The following ZNF831 variants were observed in gnomAD, a reference collection of about 807,000 sequenced individuals.
ZNF831 encodes zinc finger protein 831, also known as chromosome 20 open reading frame 174.
Under a neutral mutation model 95.8 loss-of-function variants are expected in ZNF831, and 59 were observed. The ratio of observed to expected loss-of-function variants is 0.62; its 90% CI spans 0.50 to 0.77. The LOEUF (loss-of-function observed/expected upper bound fraction) is 0.77. Among genes scored for constraint, ZNF831 ranks in the 30% least tolerant of loss-of-function variants. The pLI is 0.00. For synonymous variants in ZNF831, 961 were observed against 925.5 expected (o/e 1.04, Z -0.70); for missense variants, 2,205 against 2,164.0 (o/e 1.02, Z -0.38).
chr20:59,192,575 C>T lies in ZNF831; in HGVS notation c.1556C>T (p.Pro519Leu), dbSNP rs2146567912. Residue 519 changes from proline to leucine, a missense_variant, in exon 2 of 6, where the codon CCC (proline) becomes CTC (leucine). Transcript: ENST00000371030. The surrounding 1 kb of genome is among the most constrained non-coding windows in gnomAD (Gnocchi z 5.2). ...GAGGGCTCCAGGACGTGGCTGGAGC[C>T]CAGGGAGCCCCGGGACCCCTGGTCC... ...FVEGSRTWLEPREPRDPWSRT... is the reference protein window; with the variant it reads ...FVEGSRTWLELREPRDPWSRT... 2.0e-6 allele frequency: 3 copies of T among 1,516,264 alleles called. No homozygotes were observed. Among genetic ancestry groups the T allele is most frequent in the Non-Finnish European group, 2.6e-6 (3 of 1,135,720 alleles). The allele number at this position is 1,516,264 out of a possible 1,614,324, so 93.9% of individuals were successfully genotyped here. A position where few individuals can be genotyped will look rare whatever the true frequency, so the allele number is the denominator to read the frequency against.
chr20:59,124,478 G>A (rs1979104263), intron 1 of ZNF831, among the ~76,000 whole-genome samples: 1 of 152,178 alleles, frequency 6.6e-6, no homozygotes, highest in South Asian at 2.1e-4. Context: ...AATCATCTGG[G>A]CTTCACAAGC....
At position 59,148,552 on chromosome 20, in the gene ZNF831, C is replaced by A. The variant is rs935292754; in HGVS notation, c.-1281+2178C>A. On this transcript the variant is annotated intron_variant, in intron 2 of 7. Transcript: ENST00000637017. The stretch of plus-strand genomic sequence containing the variant: ...AAAATTAGCCGGGCATGGTGGCGCG[C>A]GCCTGTAGTCCCAGCTACACGGGAG... 1.5e-5 allele frequency among the ~76,000 whole-genome samples: 2 copies of A among 135,738 alleles called. 1 individual carries two copies. Among genetic ancestry groups the A allele is most frequent in the Non-Finnish European group, 3.2e-5 (2 of 62,656 alleles). 89.0% of individuals were successfully genotyped at this position (135,738 alleles called of 152,430 possible). A position where few individuals can be genotyped will look rare whatever the true frequency, so the allele number is the denominator to read the frequency against.
chr20:59,170,818 GT>G (rs1981672205), intron 1 of ZNF831, among the ~76,000 whole-genome samples: 1 of 152,220 alleles, frequency 6.6e-6, no homozygotes, highest in African/African-American at 2.4e-5. Context: ...TAGCAGAGGA[GT>G]TGGCTGGCTT....
chr20:59,193,676 C>T lies in ZNF831; in HGVS notation c.2657C>T (p.Ser886Phe). The T allele has an allele frequency of 6.2e-7, 1 of 1,613,070 alleles. No individual in the cohort carries two copies. Among genetic ancestry groups the T allele is most frequent in the Non-Finnish European group, 8.5e-7 (1 of 1,179,792 alleles). ...GAGCCTCTGGAGTCCTCTGGAGCCTCCTTGGCTGCTGCTTCTGTTGCCCTG... is the reference window on the plus strand; with the variant it reads ...GAGCCTCTGGAGTCCTCTGGAGCCTTCTTGGCTGCTGCTTCTGTTGCCCTG... ...VGEPLESSGA[S>F]LAAASVALKR... The change falls in exon 2 of 6, where the codon TCC becomes TTC. Residue 886 changes from serine to phenylalanine, a missense_variant. Physicochemically the swap from Ser to Phe is radical, Grantham distance 155. Transcript: ENST00000371030.
At chr20:59,222,633 G>T (rs1568779550) in intron 4 of ZNF831, among the ~76,000 whole-genome samples, 1 of 152,166 alleles carries the variant, frequency 6.6e-6, no homozygotes, top group Non-Finnish European at 1.5e-5. Flanking sequence ...GGAAGAAAGC[G>T]CAGAGGGCTG....
Position 59,192,452 on chromosome 20 carries a change from A to G in ZNF831, c.1433A>G (p.Asp478Gly), listed in dbSNP as rs1422640328. The part of the protein sequence containing the change: ...GPVRSTWTPP[D>G]KSRPLFFHSV... Reference sequence around the variant, plus strand: ...GTGCGCTCCACCTGGACGCCCCCAGACAAGTCTCGGCCCCTCTTCTTCCAC... The same window carrying G: ...GTGCGCTCCACCTGGACGCCCCCAGGCAAGTCTCGGCCCCTCTTCTTCCAC... Residue 478 changes from aspartate to glycine, a missense_variant, in exon 2 of 6, where the codon GAC becomes GGC. Asp to Gly is a moderately conservative substitution (Grantham distance 94). Coordinates refer to ENST00000371030, the MANE Select transcript of ZNF831 (RefSeq NM_178457.3). This position sits in a 1 kb window ranked among gnomAD's most constrained non-coding sequence, Gnocchi z 5.2. 1 of 1,601,358 alleles carries G rather than the reference A, an allele frequency of 6.2e-7. No homozygotes were observed. The highest frequency in any genetic ancestry group is 8.5e-7 in the Non-Finnish European group (1 of 1,174,404).
chr20:59,149,068 G>A (rs568814466), intron 2 of ZNF831, among the ~76,000 whole-genome samples: 59 of 152,312 alleles, frequency 3.9e-4, no homozygotes, highest in African/African-American at 1.3e-3. Context: ...CAGGCTGGCC[G>A]TGTCTGTGGC....
intron 1 of ZNF831, among the ~76,000 whole-genome samples, chr20:59,170,420 GT>G (rs1981633441): frequency 6.6e-6 from 1 of 152,188 alleles, no homozygotes; most frequent in Non-Finnish European, 1.5e-5. Context: ...GTGCCATTTT[GT>G]TTTCAAGTAT....
At chr20:59,189,305 C>G (rs1261037936) in intron 1 of ZNF831, among the ~76,000 whole-genome samples, 1 of 152,096 alleles carries the variant, frequency 6.6e-6, no homozygotes, top group East Asian at 1.9e-4. Flanking sequence ...AGACTGTAAT[C>G]AATTTTAAGT....
At chr20:59,234,340 G>A (rs1043023771) in intron 4 of ZNF831, among the ~76,000 whole-genome samples, 5 of 115,596 alleles carry the variant, frequency 4.3e-5, no homozygotes, top group African/African-American at 1.9e-4. Context: ...CCCATGCTCA[G>A]TTTGATGCTC....
At position 59,241,574 on chromosome 20, in the gene ZNF831, G is replaced by C. The variant is rs150010667; in HGVS notation, c.4028-11404G>C. On this transcript the variant is annotated intron_variant, in intron 4 of 5. Transcript: ENST00000371030. ...TTGTAAGAAACGTTTATAAGAAAAT[G>C]ACACTTGTAAAATAAGCCAGAAAGC... Among the ~76,000 whole-genome samples the C allele has an allele frequency of 1.1e-3, 175 of 152,292 alleles. 1 individual carries two copies. Among genetic ancestry groups the C allele is most frequent in the African/African-American group, 3.9e-3 (161 of 41,568 alleles).
At chr20:59,186,095 C>T (rs981037514) in intron 1 of ZNF831, among the ~76,000 whole-genome samples, 6 of 152,176 alleles carry the variant, frequency 3.9e-5, no homozygotes, top group African/African-American at 1.4e-4. Flanking sequence ...AGCTCACTTG[C>T]CCCTGGGGTG....
At chr20:59,158,915 A>G (rs1449176058), upstream of ZNF831, among the ~76,000 whole-genome samples, 1 of 152,156 alleles carries the variant, frequency 6.6e-6, no homozygotes, top group Non-Finnish European at 1.5e-5. Flanking sequence ...GTACATTCCT[A>G]TGAAGTAAAC....
chr20:59,210,860 C>G (rs550358496), intron 4 of ZNF831, among the ~76,000 whole-genome samples: 1 of 79,326 alleles, frequency 1.3e-5, no homozygotes, highest in African/African-American at 7.1e-5. Context: ...CAAATCCCCC[C>G]GTCTCTACTA....
chr20:59,248,568 T>C (rs1177227415), intron 4 of ZNF831, among the ~76,000 whole-genome samples: 1 of 152,228 alleles, frequency 6.6e-6, no homozygotes, highest in East Asian at 1.9e-4. Context: ...CTACTTAAGC[T>C]TAAAAACCAA....
intron 2 of ZNF831, chr20:59,146,473 G>A (rs893457930): frequency 6.6e-6 from 1 of 152,198 alleles, no homozygotes; most frequent in African/African-American, 2.4e-5. Flanking sequence ...GTTGCCTCCC[G>A]AGTGATTCTA....
rs968436868 is a variant in ZNF831 at position 59,192,777 on chromosome 20, C to G, written c.1758C>G (p.Asp586Glu). The G allele has an allele frequency of 3.1e-6, 5 of 1,612,576 alleles. No homozygotes were observed. Among genetic ancestry groups the G allele is most frequent in the Non-Finnish European group, 4.2e-6 (5 of 1,179,808 alleles). The part of the protein sequence containing the change: ...GDALVPAEDT[D>E]AKRTAAREAM... ...CCCTGGTGCCCGCAGAGGACACAGACGCAAAGAGAACTGCTGCGCGGGAGG... is the reference window on the plus strand; with the variant it reads ...CCCTGGTGCCCGCAGAGGACACAGAGGCAAAGAGAACTGCTGCGCGGGAGG... The change falls in exon 2 of 6, where the codon GAC (aspartate) becomes GAG (glutamate). Residue 586 changes from aspartate (D) to glutamate (E), a missense_variant. Physicochemically the swap from Asp to Glu is conservative, Grantham distance 45. Transcript: ENST00000371030. The surrounding 1 kb of genome is among the most constrained non-coding windows in gnomAD (Gnocchi z 5.2).
intron 4 of ZNF831, among the ~76,000 whole-genome samples, chr20:59,240,675 G>C (rs978589428): frequency 6.6e-6 from 1 of 152,012 alleles, no homozygotes; most frequent in Non-Finnish European, 1.5e-5. Flanking sequence ...GGTGGCGGGC[G>C]CCTGTAGTCC....
Position 59,257,534 on chromosome 20 carries a change from C to A in ZNF831, c.*2791C>A, listed in dbSNP as rs1355860664. On this transcript the variant is annotated 3_prime_UTR_variant, in exon 6 of 6. Transcript: ENST00000371030. ...GAATACATTTTAAGGGTAACATTAACAACCTAGAACCCAGTTTGGGTTACT... is the reference window on the plus strand; with the variant it reads ...GAATACATTTTAAGGGTAACATTAAAAACCTAGAACCCAGTTTGGGTTACT... 6.6e-6 allele frequency: 1 copy of A among 152,092 alleles called. No homozygotes were observed. Among genetic ancestry groups the A allele is most frequent in the Non-Finnish European group, 1.5e-5 (1 of 68,036 alleles). The allele number at this position is 152,092 out of a possible 1,614,324, so 9.4% of individuals were successfully genotyped here.
Sources: gnomAD v4.1 joint callset for allele counts (sites outside exome capture counted in the v4.1 genomes callset) on GRCh38, gnomAD v4.1.1 for gene constraint, Gnocchi (gnomAD v3.1) non-coding constraint, MANE v1.5 for transcripts, NCBI Gene and HGNC (gene_info 2026-07-23, HGNC 2026-07-21) for gene names.